PIEZO2: variants seen among roughly 807,000 people sequenced by gnomAD.
PIEZO2 encodes the protein piezo-type mechanosensitive ion channel component 2.
In PIEZO2, 172 loss-of-function variants were observed where a neutral mutation model predicts 337.3. The observed-to-expected ratio is 0.51, with a 90% CI of 0.45 to 0.58. The LOEUF (loss-of-function observed/expected upper bound fraction) is 0.58, where lower values mean the gene tolerates loss of function less well. Ranked by LOEUF, PIEZO2 falls within the 20% of genes least tolerant of loss-of-function variation. The probability of loss-of-function intolerance (pLI) is 0.00; values close to 1 mark genes in which losing one functional copy is unlikely to be tolerated. For synonymous variants in PIEZO2, 1,251 were observed against 1,228.5 expected (o/e 1.02, Z -0.38); for missense variants, 3,028 against 3,391.3 (o/e 0.89, Z 2.66).
intron 2 of PIEZO2, among the ~76,000 whole-genome samples, chr18:11,065,197 C>G (rs1348598228): frequency 6.6e-6 from 1 of 152,116 alleles, no homozygotes; most frequent in Non-Finnish European, 1.5e-5. Context: ...ATTTGTTGTT[C>G]TGTGTACACC....
chr18:11,049,262 C>A (rs2037431167), intron 2 of PIEZO2, among the ~76,000 whole-genome samples: 1 of 152,158 alleles, frequency 6.6e-6, no homozygotes, highest in Admixed American at 6.5e-5. Context: ...AAGCACTCAA[C>A]ATTCGAGGAA....
At chr18:10,736,421 C>T (rs1185957919) in intron 34 of PIEZO2, among the ~76,000 whole-genome samples, 183 bp downstream of exon 34, 6 of 152,070 alleles carry the variant, frequency 3.9e-5, no homozygotes, top group East Asian at 1.9e-4. Context: ...ATACTAATTA[C>T]GGTGTTGCTG....
At chr18:11,063,881 C>T (rs2038058116) in intron 2 of PIEZO2, among the ~76,000 whole-genome samples, 1 of 152,184 alleles carries the variant, frequency 6.6e-6, no homozygotes, top group South Asian at 2.1e-4. Context: ...TGCATTCACT[C>T]TTCCAGATCC....
chr18:10,715,810 ATAT>A lies in PIEZO2; in HGVS notation c.5093_5095del (p.Asn1698del). 1 of 1,525,052 alleles carries A rather than the reference ATAT, an allele frequency of 6.6e-7. No individual in the cohort carries two copies. Among genetic ancestry groups the A allele is most frequent in the South Asian group, 1.2e-5 (1 of 82,324 alleles). The allele number at this position is 1,525,052 out of a possible 1,614,324, so 94.5% of individuals were successfully genotyped here. A position where few individuals can be genotyped will look rare whatever the true frequency, so the allele number is the denominator to read the frequency against. ...CAAAATATTAAATATCCTCTTGATG[ATAT>A]TATCTAGGAGGAAGAAAGGCAACAA... On this transcript the variant is annotated inframe_deletion, in exon 38 of 56. Transcript: ENST00000674853.
intron 47 of PIEZO2, among the ~76,000 whole-genome samples, chr18:10,692,460 T>C (rs753822934): frequency 1.3e-5 from 2 of 148,876 alleles, no homozygotes; most frequent in African/African-American, 2.4e-5. Flanking sequence ...CTCCCTCCCT[T>C]TCTTCCTTCC....
At chr18:10,763,665 G>A (rs2038232896) in intron 21 of PIEZO2, among the ~76,000 whole-genome samples, 1 of 152,198 alleles carries the variant, frequency 6.6e-6, no homozygotes. Flanking sequence ...TGGCACGGGA[G>A]CCCATTCTTC....
intron 3 of PIEZO2, among the ~76,000 whole-genome samples, chr18:10,926,186 C>T (rs567756077): frequency 1.1e-3 from 171 of 152,290 alleles, no homozygotes; most frequent in African/African-American, 3.9e-3. Context: ...GCTTGGCCCT[C>T]AGGGGCATTC....
At position 10,824,770 on chromosome 18, in the gene PIEZO2, T is replaced by C. The variant is rs886249523; in HGVS notation, c.918-17496A>G. On this transcript the variant is annotated intron_variant, in intron 7 of 55. Coordinates refer to ENST00000674853, the MANE Select transcript of PIEZO2 (RefSeq NM_001378183.1). This position sits in a 1 kb window ranked among gnomAD's most constrained non-coding sequence, Gnocchi z 4.4. ...ACTGTTAAATCTTACATTAGTATGA[T>C]ACATCTGTCACAATTAACAAAACAA... Among the ~76,000 whole-genome samples, 1 of 152,246 alleles carries C rather than the reference T, an allele frequency of 6.6e-6. No individual in the cohort carries two copies. Among genetic ancestry groups the C allele is most frequent in the African/African-American group, 2.4e-5 (1 of 41,478 alleles).
intron 2 of PIEZO2, among the ~76,000 whole-genome samples, chr18:10,985,460 A>C (rs2034835546): frequency 6.6e-6 from 1 of 152,004 alleles, no homozygotes; most frequent in Admixed American, 6.6e-5. Flanking sequence ...CCCATTGTGT[A>C]TTCTTGGAGC....
At chr18:10,721,025 T>A (rs2036289155) in intron 36 of PIEZO2, among the ~76,000 whole-genome samples, 1 of 152,230 alleles carries the variant, frequency 6.6e-6, no homozygotes, top group South Asian at 2.1e-4. Context: ...CATTAATTTA[T>A]CTCTACTTTT....
chr18:10,714,348 A>G (rs1238521315), intron 39 of PIEZO2, among the ~76,000 whole-genome samples: 3 of 152,216 alleles, frequency 2.0e-5, no homozygotes, highest in African/African-American at 7.2e-5. Flanking sequence ...ATAAAACTTA[A>G]GGTAACAATT....
chr18:11,073,992 G>A (rs1568350738), intron 1 of PIEZO2, among the ~76,000 whole-genome samples: 2 of 151,876 alleles, frequency 1.3e-5, no homozygotes, highest in South Asian at 2.1e-4. Flanking sequence ...GACAACAGGC[G>A]CATGCCACCA....
At chr18:10,687,250 C>G (rs949869739) in intron 49 of PIEZO2, among the ~76,000 whole-genome samples, 8 of 151,760 alleles carry the variant, frequency 5.3e-5, no homozygotes, top group African/African-American at 9.7e-5. Context: ...AGCCCAGTGT[C>G]CATTAGCCAT....
chr18:10,801,275 A>T, intron 10 of PIEZO2, 115 bp downstream of exon 10: 1 of 913,212 alleles, frequency 1.1e-6, no homozygotes, highest in Non-Finnish European at 1.6e-6. Flanking sequence ...CCAAAAATGG[A>T]AAAGCTTATG....
rs897739617 is a variant in PIEZO2 at position 10,969,732 on chromosome 18, A to G, written c.286+9803T>C. Among the ~76,000 whole-genome samples the G allele has an allele frequency of 2.0e-5, 3 of 152,020 alleles. No homozygotes were observed. The highest frequency in any genetic ancestry group is 7.3e-5 in the African/African-American group (3 of 41,346). ...TATCTGAGCAGGATTTGGGGTATGCACCTGTAGGAGAGGAGTGAGGGGACA... is the reference window on the plus strand; with the variant it reads ...TATCTGAGCAGGATTTGGGGTATGCGCCTGTAGGAGAGGAGTGAGGGGACA... On this transcript the variant is annotated intron_variant, in intron 3 of 55. Coordinates refer to ENST00000674853, the MANE Select transcript of PIEZO2 (RefSeq NM_001378183.1). This position sits in a 1 kb window ranked among gnomAD's most constrained non-coding sequence, Gnocchi z 4.5.
intron 4 of PIEZO2, among the ~76,000 whole-genome samples, chr18:10,893,036 A>C (rs1022980571): frequency 5.3e-5 from 8 of 152,186 alleles, no homozygotes; most frequent in African/African-American, 1.7e-4. Flanking sequence ...TAGAAAATTT[A>C]TGGCCAGGAT....
At chr18:11,068,119 A>T (rs910528438) in intron 1 of PIEZO2, among the ~76,000 whole-genome samples, 1 of 152,070 alleles carries the variant, frequency 6.6e-6, no homozygotes, top group Non-Finnish European at 1.5e-5. Context: ...ATGGGGTTTC[A>T]CTGTGTTAGC....
At chr18:10,946,877 G>A (rs777661021) in intron 3 of PIEZO2, among the ~76,000 whole-genome samples, 33 of 152,050 alleles carry the variant, frequency 2.2e-4, no homozygotes, top group Non-Finnish European at 4.0e-4. Context: ...GGCACTAACA[G>A]ACACCAACCC....
intron 39 of PIEZO2, among the ~76,000 whole-genome samples, chr18:10,714,410 A>C (rs1385337354): frequency 6.6e-6 from 1 of 152,242 alleles, no homozygotes; most frequent in Non-Finnish European, 1.5e-5. Context: ...CTAATGTAGA[A>C]GACACTGTGG....
Sources: allele counts gnomAD v4.1 joint callset (sites outside exome capture counted in the v4.1 genomes callset), GRCh38; gene constraint gnomAD v4.1.1; non-coding constraint Gnocchi (gnomAD v3.1); transcripts MANE v1.5; gene names NCBI Gene and HGNC (gene_info 2026-07-23, HGNC 2026-07-21).